The following ISY1 variants were observed in gnomAD, a reference collection of about 807,000 sequenced individuals.
The protein encoded by ISY1 is ISY1 spliceosome associated protein, also known as pre-mRNA-splicing factor ISY1 homolog.
ISY1 carries 12 observed loss-of-function variants against 54.4 expected under a neutral mutation model. The ratio of observed to expected loss-of-function variants is 0.22; its 90% CI spans 0.14 to 0.36. The LOEUF (loss-of-function observed/expected upper bound fraction) is 0.36. Among genes scored for constraint, ISY1 ranks in the 10% least tolerant of loss-of-function variants. The pLI is 1.00. For synonymous variants in ISY1, 96 were observed against 117.9 expected, an observed-to-expected ratio of 0.81 and a Z score of 1.20; for missense variants, 282 against 342.2, an observed-to-expected ratio of 0.82 and a Z score of 1.39.
chr3:129,132,686 G>A (rs1936269865), intron 9 of ISY1, among the ~76,000 whole-genome samples: 1 of 152,176 alleles, frequency 6.6e-6, no homozygotes, highest in African/African-American at 2.4e-5. Context: ...TGGACTATGA[G>A]CTACACTCCA....
At position 129,129,341 on chromosome 3, in the gene ISY1, G is replaced by A. The variant is rs1186983402; in HGVS notation, c.*740C>T. 1 of 152,006 alleles carries A rather than the reference G, an allele frequency of 6.6e-6. No individual in the cohort carries two copies. Among genetic ancestry groups the A allele is most frequent in the Non-Finnish European group, 1.5e-5 (1 of 68,022 alleles). 9.4% of individuals were successfully genotyped at this position (152,006 alleles called of 1,614,324 possible). A position where few individuals can be genotyped will look rare whatever the true frequency, so the allele number is the denominator to read the frequency against. ...CCCAGAGCAGCAACCAACACAGAGGGACCTGGTCATTGACTTGTGGGTTGC... is the reference window on the plus strand; with the variant it reads ...CCCAGAGCAGCAACCAACACAGAGGAACCTGGTCATTGACTTGTGGGTTGC... On this transcript the variant is annotated 3_prime_UTR_variant, in exon 11 of 11. Coordinates refer to ENST00000393295, the MANE Select transcript of ISY1 (RefSeq NM_020701.4).
intron 5 of ISY1, among the ~76,000 whole-genome samples, chr3:129,146,443 T>A (rs1036908025): frequency 6.6e-5 from 10 of 152,132 alleles, no homozygotes; most frequent in African/African-American, 2.4e-4. Context: ...GGAAAATGGT[T>A]AATGAACCCT....
Position 129,145,878 on chromosome 3 carries a change from A to G in ISY1, c.188-5T>C. 1 of 1,614,108 alleles carries G rather than the reference A, an allele frequency of 6.2e-7. No homozygotes were observed. Among genetic ancestry groups the G allele is most frequent in the Non-Finnish European group, 8.5e-7 (1 of 1,179,974 alleles). ...TTCGAAATTCACCTAAACCAGCTAGAAAACAAAAAGGTTAACAATATCATT... is the reference window on the plus strand; with the variant it reads ...TTCGAAATTCACCTAAACCAGCTAGGAAACAAAAAGGTTAACAATATCATT... On this transcript the variant is annotated splice_region_variant and splice_polypyrimidine_tract_variant and intron_variant, in intron 5 of 10. Transcript: ENST00000393295.
At chr3:129,149,060 G>A (rs1408688688) in intron 5 of ISY1, among the ~76,000 whole-genome samples, 1 of 151,994 alleles carries the variant, frequency 6.6e-6, no homozygotes, top group Non-Finnish European at 1.5e-5. Context: ...CAATACTTTG[G>A]GAGACACAGA....
chr3:129,132,715 C>A (rs919398518), intron 9 of ISY1, among the ~76,000 whole-genome samples: 6 of 152,212 alleles, frequency 3.9e-5, no homozygotes, highest in Non-Finnish European at 8.8e-5. Flanking sequence ...TACCACCATG[C>A]CCCTGCACCT....
intron 7 of ISY1, among the ~76,000 whole-genome samples, chr3:129,138,827 AG>A (rs1214348940): frequency 2.3e-5 from 3 of 131,858 alleles, no homozygotes; most frequent in Admixed American, 2.1e-4. Context: ...AAAAAAAAAA[AG>A]AAAGAAAGAA....
Position 129,134,928 on chromosome 3 carries a change from C to A in ISY1, c.445G>T (p.Ala149Ser), listed in dbSNP as rs1326616659. The A allele has an allele frequency of 1.9e-6, 3 of 1,609,730 alleles. No individual in the cohort carries two copies. Among genetic ancestry groups the A allele is most frequent in the Non-Finnish European group, 2.5e-6 (3 of 1,177,410 alleles). Residue 149 changes from alanine to serine, a missense_variant, in exon 8 of 11, where the codon GCT becomes TCT. By Grantham distance (99) the Ala-to-Ser change is moderately conservative. This residue lies in a region of ISY1 where 279 missense variants were observed against 323.6 expected (regional missense o/e 0.86). Coordinates refer to ENST00000393295, the MANE Select transcript of ISY1 (RefSeq NM_020701.4). ...EPLPPPRKTR[A>S]ELMKAIDFEY... ...AAATCGATTGCCTTCATGAGCTCAG[C>A]ACGTGTCTTTCTGGGAGGAGGAAGA...
At chr3:129,142,105 T>G (rs1185244020) in intron 6 of ISY1, among the ~76,000 whole-genome samples, 3 of 150,698 alleles carry the variant, frequency 2.0e-5, no homozygotes, top group Non-Finnish European at 4.4e-5. Context: ...CTTGGGAGGC[T>G]GGAGCACAAG....
chr3:129,140,522 A>G, intron 6 of ISY1, 37 bp from the exon 7 acceptor site: 1 of 1,507,706 alleles, frequency 6.6e-7, no homozygotes, highest in East Asian at 2.3e-5. Flanking sequence ...TGGATCTGTT[A>G]GTTAGTTAGT....
intron 9 of ISY1, among the ~76,000 whole-genome samples, chr3:129,133,054 G>C (rs976316681): frequency 6.6e-6 from 1 of 152,186 alleles, no homozygotes; most frequent in East Asian, 1.9e-4. Context: ...TGTGCAGGCA[G>C]CAAGGACTCC....
chr3:129,140,636 C>T (rs1936579452), intron 6 of ISY1, 151 bp from the exon 7 acceptor site: 1 of 776,240 alleles, frequency 1.3e-6, no homozygotes, highest in Non-Finnish European at 2.0e-6. Flanking sequence ...AGTGCAGTAG[C>T]ACAATCTCAC....
intron 1 of ISY1, 55 bp downstream of exon 1, chr3:129,160,918 G>GGCCCGGGGGGGGGGGGGGGGGCCCCCC: frequency 1.5e-6 from 1 of 666,128 alleles, no homozygotes; most frequent in Non-Finnish European, 2.7e-6. Flanking sequence ...TGGACTGGGC[G>GGCCCGGGGGGGGGGGGGGGGGCCCCCC]CCCCCCCGCC....
chr3:129,130,701 T>C (rs1048805678), intron 9 of ISY1, 65 bp from the exon 10 acceptor site: 47 of 1,549,008 alleles, frequency 3.0e-5, no homozygotes, highest in Non-Finnish European at 3.9e-5. Flanking sequence ...GGCAACTCTA[T>C]AAAACACACT....
chr3:129,140,611 T>C (rs1484350884), intron 6 of ISY1, 126 bp from the exon 7 acceptor site: 6 of 1,059,886 alleles, frequency 5.7e-6, no homozygotes, highest in Non-Finnish European at 8.0e-6. Context: ...AGTCTCGCTC[T>C]GTTGCCCAGG....
At chr3:129,160,670 A>G (rs1937280133) in intron 1 of ISY1, among the ~76,000 whole-genome samples, 1 of 152,092 alleles carries the variant, frequency 6.6e-6, no homozygotes, top group Non-Finnish European at 1.5e-5. Context: ...GGCCCACACT[A>G]TGCACCGTAA....
At chr3:129,152,269 T>C (rs981153334) in intron 5 of ISY1, among the ~76,000 whole-genome samples, 3 of 152,244 alleles carry the variant, frequency 2.0e-5, no homozygotes, top group Non-Finnish European at 4.4e-5. Flanking sequence ...TTTTTCTGCA[T>C]CTACTTAGAT....
At position 129,134,155 on chromosome 3, in the gene ISY1, C is replaced by A; in HGVS notation, c.582G>T (p.Glu194Asp). Residue 194 changes from glutamate to aspartate, a missense_variant, in exon 9 of 11, where the codon GAG (glutamate) becomes GAT (aspartate). This residue lies in a region of ISY1 where 279 missense variants were observed against 323.6 expected (regional missense o/e 0.86). Transcript: ENST00000393295. ...CCTTTTCTCCTCTTGCCAGCCGAGCCTCTCTCTCTGCTTTCCACTTTTCCA... is the reference window on the plus strand; with the variant it reads ...CCTTTTCTCCTCTTGCCAGCCGAGCATCTCTCTCTGCTTTCCACTTTTCCA... ...ELVEKWKAER[E>D]ARLARGEKEE... is the part of the protein sequence containing the mutation. 2.5e-6 allele frequency: 4 copies of A among 1,614,126 alleles called. No homozygotes were observed. The highest frequency in any genetic ancestry group is 3.4e-6 in the Non-Finnish European group (4 of 1,180,024).
At chr3:129,156,834 T>C (rs1189593561) in intron 4 of ISY1, 21 bp downstream of exon 4, 26 of 1,608,532 alleles carry the variant, frequency 1.6e-5, no homozygotes, top group Non-Finnish European at 2.1e-5. Context: ...TCTACTGAAA[T>C]CAGATTTACC....
At chr3:129,135,236 A>G (rs1426557932) in intron 7 of ISY1, among the ~76,000 whole-genome samples, 1 of 151,950 alleles carries the variant, frequency 6.6e-6, no homozygotes, top group Admixed American at 6.6e-5. Flanking sequence ...AATCCCAGCT[A>G]CTCAGGCTGT....
Sources: allele counts gnomAD v4.1 joint callset (sites outside exome capture counted in the v4.1 genomes callset), GRCh38; gene constraint gnomAD v4.1.1; regional missense constraint gnomAD v4.1.1; transcripts MANE v1.5; gene names NCBI Gene and HGNC (gene_info 2026-07-23, HGNC 2026-07-21).